The following FBXL17 variants were observed in gnomAD, a reference collection of about 807,000 sequenced individuals.
FBXL17 encodes F-box/LRR-repeat protein 17.
A neutral mutation model predicts 66.2 loss-of-function variants in FBXL17; 22 were observed. The observed-to-expected ratio is 0.33, with a 90% CI of 0.24 to 0.47. The LOEUF is 0.47. Among genes scored for constraint, FBXL17 ranks in the 20% least tolerant of loss-of-function variants. The pLI, the probability that FBXL17 is intolerant of heterozygous loss-of-function variation, is 1.00. For missense variants in FBXL17, 878 were observed against 948.2 expected (o/e 0.93, Z 0.97); for synonymous variants, 474 against 400.5 (o/e 1.18, Z -2.19).
At chr5:108,144,248 G>A (rs1460513669) in intron 6 of FBXL17, among the ~76,000 whole-genome samples, 1 of 152,112 alleles carries the variant, frequency 6.6e-6, no homozygotes, top group Non-Finnish European at 1.5e-5. Flanking sequence ...TAATACTCAT[G>A]CTATTAGGGA....
At chr5:107,880,444 C>T in intron 8 of FBXL17, 1 of 990,360 alleles carries the variant, frequency 1.0e-6, no homozygotes, top group Non-Finnish European at 1.2e-6. Flanking sequence ...CTCATGCTCA[C>T]ATCCCTGGCT....
At chr5:108,012,784 G>A (rs1336424354) in intron 7 of FBXL17, among the ~76,000 whole-genome samples, 1 of 152,096 alleles carries the variant, frequency 6.6e-6, no homozygotes, top group Non-Finnish European at 1.5e-5. Flanking sequence ...GGGAGGCCAA[G>A]GCAGGCGGAT....
chr5:108,324,594 C>T (rs1759764790), intron 4 of FBXL17, among the ~76,000 whole-genome samples: 2 of 151,744 alleles, frequency 1.3e-5, no homozygotes, highest in South Asian at 4.2e-4. Context: ...GGATATATAC[C>T]CCAAAGAACT....
At chr5:108,027,320 CA>C (rs1271200839) in intron 6 of FBXL17, among the ~76,000 whole-genome samples, 7 of 152,056 alleles carry the variant, frequency 4.6e-5, no homozygotes, top group African/African-American at 1.7e-4. Flanking sequence ...ATTGAAGTAA[CA>C]AACTTGCAAT....
chr5:108,313,125 G>T (rs911321272), intron 4 of FBXL17, among the ~76,000 whole-genome samples: 1 of 152,158 alleles, frequency 6.6e-6, no homozygotes, highest in Middle Eastern at 3.4e-3. Flanking sequence ...AGCCATCGAA[G>T]AAATAACATA....
At chr5:108,358,090 G>A (rs1360551101) in intron 3 of FBXL17, among the ~76,000 whole-genome samples, 1 of 151,986 alleles carries the variant, frequency 6.6e-6, no homozygotes, top group Non-Finnish European at 1.5e-5. Flanking sequence ...TGGTTTCTCT[G>A]GGGTTTTCTA....
intron 6 of FBXL17, among the ~76,000 whole-genome samples, chr5:108,039,409 C>T (rs1467252020): frequency 6.6e-6 from 1 of 151,942 alleles, no homozygotes; most frequent in Non-Finnish European, 1.5e-5. Flanking sequence ...CAAAATATAT[C>T]AACTAGACTT....
At chr5:108,052,186 A>G (rs1036815987) in intron 6 of FBXL17, among the ~76,000 whole-genome samples, 50 of 151,942 alleles carry the variant, frequency 3.3e-4, no homozygotes, top group Non-Finnish European at 6.9e-4. Flanking sequence ...TATTCAACAT[A>G]GTATTGGAAG....
intron 4 of FBXL17, among the ~76,000 whole-genome samples, chr5:108,304,602 T>C (rs944556331): frequency 1.6e-4 from 25 of 151,896 alleles, no homozygotes; most frequent in African/African-American, 6.0e-4. Context: ...TAAAAATAAA[T>C]ACACCTATCT....
intron 6 of FBXL17, among the ~76,000 whole-genome samples, chr5:108,057,918 A>C (rs1747771002): frequency 6.6e-6 from 1 of 152,202 alleles, no homozygotes; most frequent in South Asian, 2.1e-4. Flanking sequence ...TTTATCCATA[A>C]AAAACACCAC....
intron 6 of FBXL17, among the ~76,000 whole-genome samples, chr5:108,059,533 G>T (rs288144): frequency 0.16 from 24,027 of 152,066 alleles, 2,288 homozygotes; most frequent in South Asian, 0.42. Flanking sequence ...TTCTCTGGAG[G>T]TCTAGTCCAG....
At chr5:108,158,613 T>A (rs1009451807) in intron 6 of FBXL17, among the ~76,000 whole-genome samples, 1 of 151,074 alleles carries the variant, frequency 6.6e-6, no homozygotes, top group Non-Finnish European at 1.5e-5. Flanking sequence ...ATTAAAAAAA[T>A]AGAGAGACTG....
intron 7 of FBXL17, among the ~76,000 whole-genome samples, chr5:107,898,003 TAC>T (rs1160727521): frequency 8.5e-5 from 13 of 152,134 alleles, no homozygotes; most frequent in African/African-American, 3.1e-4. Context: ...TAATAGACAC[TAC>T]ACCAGAGCAA....
chr5:108,177,030 C>T (rs1036519339), intron 6 of FBXL17, among the ~76,000 whole-genome samples: 2 of 152,116 alleles, frequency 1.3e-5, no homozygotes, highest in African/African-American at 2.4e-5. Flanking sequence ...AATTGAAAGA[C>T]AACTTATTCA....
intron 7 of FBXL17, among the ~76,000 whole-genome samples, chr5:108,002,348 A>C (rs1005144416): frequency 6.6e-6 from 1 of 151,756 alleles, no homozygotes. Context: ...TAAAACAAAC[A>C]AAAAAAACTC....
At chr5:108,377,025 C>G (rs1749485301) in intron 1 of FBXL17, among the ~76,000 whole-genome samples, 2 of 152,124 alleles carry the variant, frequency 1.3e-5, no homozygotes. Context: ...GATTTTAATT[C>G]ACATATATAT....
intron 6 of FBXL17, among the ~76,000 whole-genome samples, chr5:108,061,185 G>A (rs1204440578): frequency 1.3e-5 from 2 of 152,052 alleles, no homozygotes; most frequent in East Asian, 3.9e-4. Flanking sequence ...TACTCGGGAG[G>A]CTAAGGCAGG....
intron 6 of FBXL17, among the ~76,000 whole-genome samples, chr5:108,153,464 T>C (rs1383761213): frequency 6.6e-6 from 1 of 152,208 alleles, no homozygotes; most frequent in African/African-American, 2.4e-5. Context: ...CTGCATACTT[T>C]GCAGGGTTGG....
intron 6 of FBXL17, among the ~76,000 whole-genome samples, chr5:108,121,847 G>A (rs962578369): frequency 2.0e-5 from 3 of 152,084 alleles, no homozygotes; most frequent in Non-Finnish European, 2.9e-5. Context: ...GTGAGCCACC[G>A]CGCTCGGCCC....
Sources: allele counts gnomAD v4.1 joint callset (sites outside exome capture counted in the v4.1 genomes callset), GRCh38; gene constraint gnomAD v4.1.1; transcripts MANE v1.5; gene names NCBI Gene and HGNC (gene_info 2026-07-23, HGNC 2026-07-21).